The following PABPC4L variants were observed in gnomAD, a reference collection of about 807,000 sequenced individuals.
The protein encoded by PABPC4L is poly(A) binding protein cytoplasmic 4 like, also known as polyadenylate-binding protein 4-like.
For synonymous variants in PABPC4L, 169 were observed against 164.1 expected (o/e 1.03, Z -0.23); for missense variants, 452 against 451.4 (o/e 1.00, Z -0.01).
the PABPC4L span, among the ~76,000 whole-genome samples, chr4:134,157,699 T>C: frequency 2.0e-4 from 30 of 151,918 alleles, no homozygotes; most frequent in African/African-American, 4.8e-5. Context: ...ACTCCTACTT[T>C]ACTTCAATTG....
At chr4:134,164,196 G>C in the PABPC4L span, among the ~76,000 whole-genome samples, 1 of 143,548 alleles carries the variant, frequency 7.0e-6, no homozygotes, top group Non-Finnish European at 1.5e-5. Flanking sequence ...CCGGGAGGCG[G>C]AGCTTGCAGT....
the PABPC4L span, among the ~76,000 whole-genome samples, chr4:133,974,325 C>T: frequency 2.6e-5 from 4 of 152,064 alleles, no homozygotes; most frequent in Non-Finnish European, 4.4e-5. Flanking sequence ...TGTTAAACTC[C>T]TACCTCACAC....
chr4:134,079,797 G>C, the PABPC4L span, among the ~76,000 whole-genome samples: 1 of 151,516 alleles, frequency 6.6e-6, no homozygotes, highest in Non-Finnish European at 1.5e-5. Context: ...TAATAGCCAA[G>C]GTCCTTGGAA....
At chr4:134,130,878 C>G in the PABPC4L span, among the ~76,000 whole-genome samples, 1 of 151,874 alleles carries the variant, frequency 6.6e-6, no homozygotes. Context: ...AATGCAGGGA[C>G]GGTTTAACAT....
At chr4:134,038,269 T>C in the PABPC4L span, among the ~76,000 whole-genome samples, 1 of 152,296 alleles carries the variant, frequency 6.6e-6, no homozygotes, top group East Asian at 1.9e-4. Context: ...TCAGGGATAT[T>C]GGCCTAAAAT....
At position 134,200,523 on chromosome 4, in the gene PABPC4L, T is replaced by G. The variant is rs961705310; in HGVS notation, c.497A>C (p.Lys166Thr). 15 of 1,551,532 alleles carry G rather than the reference T, an allele frequency of 9.7e-6. No individual in the cohort carries two copies. Among genetic ancestry groups the G allele is most frequent in the Non-Finnish European group, 1.3e-5 (15 of 1,146,990 alleles). The part of the protein sequence containing the change: ...EMNGKLLKGC[K>T]VFVGRFKNRK... ...GTTTTTGAATCTGCCAACAAACACC[T>G]TGCAGCCCTTGAGTAGTTTTCCATT... The change falls in exon 2 of 2, where the codon AAG becomes ACG. Residue 166 changes from lysine (K) to threonine (T), a missense_variant. Physicochemically the swap from Lys to Thr is moderately conservative, Grantham distance 78. Transcript: ENST00000421491.
At chr4:134,116,109 GAACA>G in the PABPC4L span, among the ~76,000 whole-genome samples, 26 of 151,882 alleles carry the variant, frequency 1.7e-4, no homozygotes, top group Non-Finnish European at 3.2e-4. Flanking sequence ...AAGACAGAAA[GAACA>G]ATTAATAGGC....
At chr4:134,113,038 G>T in the PABPC4L span, among the ~76,000 whole-genome samples, 1 of 151,598 alleles carries the variant, frequency 6.6e-6, no homozygotes, top group Non-Finnish European at 1.5e-5. Context: ...AAAACAAATT[G>T]AAAAATTTAA....
the PABPC4L span, among the ~76,000 whole-genome samples, chr4:133,986,185 G>C: frequency 6.6e-6 from 1 of 151,930 alleles, no homozygotes; most frequent in Non-Finnish European, 1.5e-5. Context: ...TAAGGTAGCA[G>C]GTATTAAATG....
the PABPC4L span, among the ~76,000 whole-genome samples, chr4:134,143,490 A>T: frequency 2.0e-5 from 3 of 150,456 alleles, no homozygotes; most frequent in Non-Finnish European, 4.5e-5. Flanking sequence ...ATTTTTCAAT[A>T]TTAATAAATA....
chr4:134,040,502 G>A, the PABPC4L span, among the ~76,000 whole-genome samples: 32 of 152,262 alleles, frequency 2.1e-4, no homozygotes, highest in African/African-American at 7.0e-4. Context: ...AATAAATGCT[G>A]TTGAGAAAAC....
chr4:134,103,066 G>A, the PABPC4L span, among the ~76,000 whole-genome samples: 1 of 151,510 alleles, frequency 6.6e-6, no homozygotes, highest in Non-Finnish European at 1.5e-5. Context: ...TTCCTCTAAT[G>A]TGGGGCATTT....
the PABPC4L span, among the ~76,000 whole-genome samples, chr4:133,999,718 G>T: frequency 6.6e-6 from 1 of 151,920 alleles, no homozygotes; most frequent in Non-Finnish European, 1.5e-5. Context: ...GAAAATAAAG[G>T]CTTGGTTCTT....
chr4:134,171,924 C>G, the PABPC4L span, among the ~76,000 whole-genome samples: 1 of 151,800 alleles, frequency 6.6e-6, no homozygotes, highest in Non-Finnish European at 1.5e-5. Flanking sequence ...AATATAGCCA[C>G]AAAAACAATA....
the PABPC4L span, among the ~76,000 whole-genome samples, chr4:134,161,020 G>A: frequency 6.6e-6 from 1 of 151,958 alleles, no homozygotes; most frequent in Non-Finnish European, 1.5e-5. Context: ...TGTTGAGGAA[G>A]CTCAATGAGC....
At chr4:134,195,789 C>T (rs1365192171), downstream of PABPC4L, among the ~76,000 whole-genome samples, 2 of 151,584 alleles carry the variant, frequency 1.3e-5, no homozygotes, top group Non-Finnish European at 3.0e-5. Flanking sequence ...CTTAATTATA[C>T]ATATTTCCTC....
chr4:133,988,307 G>A, the PABPC4L span, among the ~76,000 whole-genome samples: 1 of 152,112 alleles, frequency 6.6e-6, no homozygotes, highest in Non-Finnish European at 1.5e-5. Context: ...GGTCTCATCT[G>A]AGACAAGGCA....
chr4:134,128,999 G>A, the PABPC4L span, among the ~76,000 whole-genome samples: 1 of 151,840 alleles, frequency 6.6e-6, no homozygotes, highest in African/African-American at 2.4e-5. Flanking sequence ...CACGCAAAGG[G>A]GCACCTAAAC....
chr4:133,987,162 T>C, the PABPC4L span, among the ~76,000 whole-genome samples: 2 of 152,194 alleles, frequency 1.3e-5, no homozygotes, highest in African/African-American at 4.8e-5. Flanking sequence ...TTTGGTTTTG[T>C]TTTTAACGAA....
Sources: allele counts gnomAD v4.1 joint callset (sites outside exome capture counted in the v4.1 genomes callset), GRCh38; gene constraint gnomAD v4.1.1; transcripts MANE v1.5; gene names NCBI Gene and HGNC (gene_info 2026-07-23, HGNC 2026-07-21).